NCKAP5: variants seen among roughly 807,000 people sequenced by gnomAD.
The protein encoded by NCKAP5 is NCK associated protein 5.
Under a neutral mutation model 167.0 loss-of-function variants are expected in NCKAP5, and 92 were observed. The ratio of observed to expected loss-of-function variants is 0.55; its 90% CI spans 0.47 to 0.66. NCKAP5 has a LOEUF of 0.66. Among genes scored for constraint, NCKAP5 ranks in the 30% least tolerant of loss-of-function variants. The probability of loss-of-function intolerance (pLI) is 0.00; values close to 1 mark genes in which losing one functional copy is unlikely to be tolerated. For missense variants in NCKAP5, 2,378 were observed against 2,315.0 expected (o/e 1.03, Z -0.56); for synonymous variants, 891 against 877.4 (o/e 1.02, Z -0.27).
chr2:133,033,735 T>C (rs7421390), intron 6 of NCKAP5, among the ~76,000 whole-genome samples: 1 of 151,772 alleles, frequency 6.6e-6, no homozygotes, highest in South Asian at 2.1e-4. Context: ...GAAGAACACA[T>C]CAGAGTCCTT....
intron 2 of NCKAP5, among the ~76,000 whole-genome samples, chr2:133,553,554 A>C (rs1687529713): frequency 6.6e-6 from 1 of 152,144 alleles, no homozygotes; most frequent in South Asian, 2.1e-4. Context: ...CTAAGGTTAG[A>C]TGGAGTTTAA....
chr2:132,902,130 TA>T, intron 8 of NCKAP5, among the ~76,000 whole-genome samples: 1 of 152,278 alleles, frequency 6.6e-6, no homozygotes, highest in African/African-American at 2.4e-5. Flanking sequence ...AGCACCAAAG[TA>T]AAGAGAAATC....
the NCKAP5 span, among the ~76,000 whole-genome samples, chr2:133,589,795 G>A: frequency 0.18 from 28,018 of 152,146 alleles, 2,843 homozygotes; most frequent in Non-Finnish European, 0.22. Flanking sequence ...GACAGCCTAC[G>A]GGTGCCAGGC....
chr2:132,940,608 A>G (rs1265142627), intron 8 of NCKAP5, among the ~76,000 whole-genome samples: 1 of 152,202 alleles, frequency 6.6e-6, no homozygotes, highest in East Asian at 1.9e-4. Flanking sequence ...CTTATGATTG[A>G]CAGGATATTA....
chr2:133,222,544 T>G (rs921632239), intron 4 of NCKAP5, among the ~76,000 whole-genome samples: 1 of 152,216 alleles, frequency 6.6e-6, no homozygotes, highest in African/African-American at 2.4e-5. Context: ...TCTTATAAAA[T>G]TCTAAGTATT....
intron 5 of NCKAP5, among the ~76,000 whole-genome samples, chr2:133,207,198 T>C (rs2085990536): frequency 1.3e-5 from 2 of 152,122 alleles, no homozygotes; most frequent in African/African-American, 2.4e-5. Flanking sequence ...GTTGTCATCA[T>C]GGTCCTACCA....
chr2:132,861,303 C>T (rs1308525002), intron 10 of NCKAP5, among the ~76,000 whole-genome samples: 1 of 151,974 alleles, frequency 6.6e-6, no homozygotes, highest in Admixed American at 6.6e-5. Flanking sequence ...ACCTTTTCCC[C>T]AGCTCATGGA....
chr2:132,842,908 T>C (rs192361646), intron 11 of NCKAP5, among the ~76,000 whole-genome samples: 90 of 152,292 alleles, frequency 5.9e-4, no homozygotes, highest in East Asian at 1.5e-3. Flanking sequence ...TGATATGAAG[T>C]ATATTTCTCT....
the NCKAP5 span, among the ~76,000 whole-genome samples, chr2:133,609,183 C>T: frequency 6.6e-6 from 1 of 152,246 alleles, no homozygotes; most frequent in Non-Finnish European, 1.5e-5. Flanking sequence ...TTAATGTACT[C>T]ATTTTAGCCT....
chr2:132,878,663 TACACACACACACACCGCCC>T (rs1691507820), intron 9 of NCKAP5, among the ~76,000 whole-genome samples, 166 bp downstream of exon 9: 2 of 133,500 alleles, frequency 1.5e-5, no homozygotes, highest in Non-Finnish European at 3.3e-5. Flanking sequence ...CACGCACGCA[TACACACACACACACCGCCC>T]ACACACACAC....
rs1339246223 is a variant in NCKAP5 at position 133,167,059 on chromosome 2, G to C, written c.208-36948C>G. The stretch of plus-strand genomic sequence containing the variant: ...CAACTTTCAGGTCTTAAGATTAACA[G>C]GTTGTGGTCTGTAATAAAAAAATAA... On this transcript the variant is annotated intron_variant, in intron 5 of 19. Transcript: ENST00000409261. Among the ~76,000 whole-genome samples, 2 of 152,128 alleles carry C rather than the reference G, an allele frequency of 1.3e-5. 1 individual carries two copies.
intron 3 of NCKAP5, among the ~76,000 whole-genome samples, chr2:133,413,904 G>A (rs570678469): frequency 3.0e-4 from 46 of 152,260 alleles, no homozygotes; most frequent in African/African-American, 1.1e-3. Flanking sequence ...ATAGAGGGAC[G>A]GAGTTAAAGA....
At chr2:133,182,078 C>A (rs994695532) in intron 5 of NCKAP5, among the ~76,000 whole-genome samples, 1 of 151,982 alleles carries the variant, frequency 6.6e-6, no homozygotes, top group Non-Finnish European at 1.5e-5. Context: ...CATTAATGTG[C>A]ACCAATCAAG....
At chr2:132,951,178 T>C (rs1023242956) in intron 8 of NCKAP5, among the ~76,000 whole-genome samples, 4 of 152,162 alleles carry the variant, frequency 2.6e-5, no homozygotes, top group Non-Finnish European at 4.4e-5. Context: ...CAGTCGAACC[T>C]GCTTTCTAGA....
At chr2:132,903,875 T>A (rs1693809848) in intron 8 of NCKAP5, among the ~76,000 whole-genome samples, 2 of 152,210 alleles carry the variant, frequency 1.3e-5, no homozygotes, top group Non-Finnish European at 2.9e-5. Flanking sequence ...GTAATTACCA[T>A]TAATGTTATA....
chr2:133,564,574 C>T (rs1470041056), intron 1 of NCKAP5, among the ~76,000 whole-genome samples: 1 of 152,064 alleles, frequency 6.6e-6, no homozygotes, highest in Non-Finnish European at 1.5e-5. Context: ...TGTAAGCATC[C>T]CAACAGAGTT....
chr2:133,504,112 T>C (rs1299923481), intron 3 of NCKAP5, among the ~76,000 whole-genome samples: 1 of 152,096 alleles, frequency 6.6e-6, no homozygotes, highest in African/African-American at 2.4e-5. Context: ...CATGGGAAAC[T>C]ACAACTGCAA....
chr2:133,397,979 G>A (rs1687840306), intron 3 of NCKAP5, among the ~76,000 whole-genome samples: 1 of 152,106 alleles, frequency 6.6e-6, no homozygotes. Flanking sequence ...CCTGTATTAA[G>A]GAGTGGCCTC....
chr2:132,951,795 T>C (rs1367770777), intron 8 of NCKAP5, among the ~76,000 whole-genome samples: 1 of 152,246 alleles, frequency 6.6e-6, no homozygotes, highest in African/African-American at 2.4e-5. Context: ...TTAGAGTTAA[T>C]AGAATGCTGT....
Sources: allele counts gnomAD v4.1 joint callset (sites outside exome capture counted in the v4.1 genomes callset), GRCh38; gene constraint gnomAD v4.1.1; transcripts MANE v1.5; gene names NCBI Gene and HGNC (gene_info 2026-07-23, HGNC 2026-07-21).